Variants in SCUBE2 observed in about 807,000 individuals in gnomAD.
SCUBE2 encodes signal peptide, CUB and EGF-like domain-containing protein 2.
In SCUBE2, 114 loss-of-function variants were observed where a neutral mutation model predicts 125.9. The ratio of observed to expected loss-of-function variants is 0.91; its 90% CI spans 0.78 to 1.06. The LOEUF is 1.06. SCUBE2 is among the 50% of genes least tolerant of loss of function. The pLI is 0.00. For synonymous variants in SCUBE2, 459 were observed against 492.9 expected, an observed-to-expected ratio of 0.93 and a Z score of 0.91; for missense variants, 1,255 against 1,301.8, an observed-to-expected ratio of 0.96 and a Z score of 0.55.
chr11:9,062,739 G>A (rs897747208), intron 7 of SCUBE2, among the ~76,000 whole-genome samples: 7 of 149,646 alleles, frequency 4.7e-5, no homozygotes, highest in Admixed American at 1.3e-4. Flanking sequence ...ACATGAAAAC[G>A]AAAACTTTAT....
At chr11:9,044,048 T>C (rs898218130) in intron 16 of SCUBE2, among the ~76,000 whole-genome samples, 2 of 152,334 alleles carry the variant, frequency 1.3e-5, no homozygotes, top group East Asian at 1.9e-4. Context: ...ATGATATTCA[T>C]TGAGCACTAT....
chr11:9,033,851 G>C, intron 16 of SCUBE2, 55 bp from the exon 17 acceptor site: 1 of 1,580,882 alleles, frequency 6.3e-7, no homozygotes, highest in East Asian at 2.2e-5. Flanking sequence ...AAGGAAGGAT[G>C]ATGTGAGTTC....
chr11:9,056,004 A>C (rs533293858), intron 9 of SCUBE2, 95 bp from the exon 10 acceptor site: 1 of 881,526 alleles, frequency 1.1e-6, no homozygotes, highest in South Asian at 1.4e-5. Context: ...ACCAACACCA[A>C]AAACAATACA....
rs1590131270 is a variant in SCUBE2 at position 9,072,086 on chromosome 11, A to G, written c.517+2395T>C. 2.0e-5 allele frequency among the ~76,000 whole-genome samples: 3 copies of G among 152,342 alleles called. No homozygotes were observed. In the South Asian group the frequency reaches 6.2e-4, roughly 32 times the overall value. On this transcript the variant is annotated intron_variant, in intron 4 of 22. Coordinates refer to ENST00000649792, the MANE Select transcript of SCUBE2 (RefSeq NM_001367977.2). Reference sequence around the variant, plus strand: ...GTCAATGATTATGATGCCCTATATTAAAGAACATTTGGTAAATAATTATTA... The same window carrying G: ...GTCAATGATTATGATGCCCTATATTGAAGAACATTTGGTAAATAATTATTA...
intron 2 of SCUBE2, among the ~76,000 whole-genome samples, chr11:9,081,662 AAAC>A (rs1861650549): frequency 1.6e-4 from 2 of 12,466 alleles, no homozygotes; most frequent in South Asian, 0.05. Flanking sequence ...TCAAAAAAAC[AAAC>A]AAACAAACAA....
At chr11:9,054,942 T>C (rs1858932653) in intron 10 of SCUBE2, among the ~76,000 whole-genome samples, 1 of 151,014 alleles carries the variant, frequency 6.6e-6, no homozygotes, top group Non-Finnish European at 1.5e-5. Flanking sequence ...CCATGTTGGT[T>C]AGGCTGGTCT....
At chr11:9,078,396 T>C (rs1337191263) in intron 3 of SCUBE2, among the ~76,000 whole-genome samples, 1 of 152,140 alleles carries the variant, frequency 6.6e-6, no homozygotes, top group Non-Finnish European at 1.5e-5. Flanking sequence ...TGAAGTGGGA[T>C]AAAGGTCATA....
chr11:9,068,456 A>C (rs1402722269), intron 5 of SCUBE2, among the ~76,000 whole-genome samples: 1 of 152,180 alleles, frequency 6.6e-6, no homozygotes, highest in African/African-American at 2.4e-5. Context: ...GACTGAGAGG[A>C]AAAATGAGGC....
Position 9,079,494 on chromosome 11 carries a change from C to T in SCUBE2, c.272G>A (p.Gly91Glu), listed in dbSNP as rs1326587550. ...GACACAGCCTCCATTGAGCTCATTT[C>T]CACATTCATCGATGTCTGAGGAATA... ...GRQCEDIDEC[G>E]NELNGGCVHD... is the part of the protein sequence containing the mutation. Residue 91 changes from glycine to glutamate, a missense_variant, in exon 3 of 23, where the codon GGA becomes GAA. By Grantham distance (98) the Gly-to-Glu change is moderately conservative. Transcript: ENST00000649792. The T allele has an allele frequency of 1.2e-6, 2 of 1,613,648 alleles. No individual in the cohort carries two copies. The highest frequency in any genetic ancestry group is 1.7e-6 in the Non-Finnish European group (2 of 1,179,800).
intron 4 of SCUBE2, among the ~76,000 whole-genome samples, chr11:9,070,211 T>C (rs769859054): frequency 9.8e-5 from 15 of 152,300 alleles, no homozygotes; most frequent in South Asian, 2.1e-4. Flanking sequence ...GTAGCTGCTG[T>C]ACAATTCTTT....
intron 2 of SCUBE2, 89 bp downstream of exon 2, chr11:9,089,618 G>T: frequency 6.9e-7 from 1 of 1,445,242 alleles, no homozygotes; most frequent in Non-Finnish European, 9.5e-7. Flanking sequence ...AGGAGGGGCA[G>T]TACTTTTACC....
At chr11:9,028,192 G>T (rs1027306510) in intron 19 of SCUBE2, among the ~76,000 whole-genome samples, 2 of 146,006 alleles carry the variant, frequency 1.4e-5, no homozygotes, top group African/African-American at 5.1e-5. Flanking sequence ...GTGCCATCAG[G>T]CCTGGCTAAT....
In SCUBE2 at chr11:9,029,922, G is replaced by T. The variant is rs1221570061; in HGVS notation, c.2465C>A (p.Thr822Asn). The change falls in exon 19 of 23, where the codon ACT (threonine) becomes AAT (asparagine). Residue 822 changes from threonine (T) to asparagine (N), a missense_variant. Around this residue, in one of 3 missense-constraint regions of SCUBE2, gnomAD observed 515 missense variants for 515.7 expected, o/e 1.00. Transcript: ENST00000649792. ...TATGTTTGTGGAGCCATCAAAGTCA[G>T]TCGTAGTATTTCCTGGGCAAGAAAC... ...NCVSCPGNTTTDFDGSTNITQ... is the reference protein window; with the variant it reads ...NCVSCPGNTTNDFDGSTNITQ... 2 of 1,614,194 alleles carry T rather than the reference G, an allele frequency of 1.2e-6. No individual in the cohort carries two copies. Among genetic ancestry groups the T allele is most frequent in the East Asian group, 2.2e-5 (1 of 44,882 alleles).
chr11:9,031,095 TG>T lies in SCUBE2; in HGVS notation c.2174-171del. 3 of 605,508 alleles carry T rather than the reference TG, an allele frequency of 5.0e-6. No homozygotes were observed. The South Asian group carries it at 6.2e-5, about 13-fold the overall frequency. The allele number at this position is 605,508 out of a possible 1,614,324, so 37.5% of individuals were successfully genotyped here. A position where few individuals can be genotyped will look rare whatever the true frequency, so the allele number is the denominator to read the frequency against. On this transcript the variant is annotated intron_variant, in intron 17 of 22. Transcript: ENST00000649792. The stretch of plus-strand genomic sequence containing the variant: ...TGTGGTGCTTCTGACCCTGAGTCAA[TG>T]GCACATGAGTGCCTGCTGTTTACAC...
In SCUBE2 at chr11:9,053,107, A is replaced by C. The variant is rs1055710522; in HGVS notation, c.1439T>G (p.Leu480Arg). 1 of 1,613,782 alleles carries C rather than the reference A, an allele frequency of 6.2e-7. No individual in the cohort carries two copies. The change falls in exon 12 of 23, where the codon CTC becomes CGC. Residue 480 changes from leucine (L) to arginine (R), a missense_variant. Around this residue, in one of 3 missense-constraint regions of SCUBE2, gnomAD observed 378 missense variants for 463.1 expected, o/e 0.82. Transcript: ENST00000649792. ...AACTGGGCCCCACTCACCTGAAGAG[A>C]GGTGAATGCCAGAGTGACATCTGAG... The part of the protein sequence containing the change: ...CFLRCHSGIH[L>R]SSGLQGAYSV...
At chr11:9,069,531 G>A in intron 4 of SCUBE2, 36 bp from the exon 5 acceptor site, 1 of 1,613,112 alleles carries the variant, frequency 6.2e-7, no homozygotes. Flanking sequence ...TGACTAGGCT[G>A]TGGTCAGAAT....
In SCUBE2 at chr11:9,055,726, G is replaced by A. The variant is rs1315296457; in HGVS notation, c.1207+67C>T. ...CAATGTAGGAAAGCAAACCTCAGGG[G>A]TAGGCCCTGCTCCCCTCCAGGCCCA... On this transcript the variant is annotated intron_variant, in intron 10 of 22. Coordinates refer to ENST00000649792, the MANE Select transcript of SCUBE2 (RefSeq NM_001367977.2). 3.2e-6 allele frequency: 4 copies of A among 1,240,370 alleles called. No homozygotes were observed. The African/African-American group carries it at 4.4e-5, about 14-fold the overall frequency. The allele number at this position is 1,240,370 out of a possible 1,614,324, so 76.8% of individuals were successfully genotyped here. A position where few individuals can be genotyped will look rare whatever the true frequency, so the allele number is the denominator to read the frequency against.
At chr11:9,047,299 T>C in intron 16 of SCUBE2, 57 bp downstream of exon 16, 1 of 1,580,576 alleles carries the variant, frequency 6.3e-7, no homozygotes, top group Non-Finnish European at 8.7e-7. Context: ...TCGGTTACCC[T>C]GAGTGTTTAT....
At chr11:9,088,320 T>C (rs375742809) in intron 2 of SCUBE2, among the ~76,000 whole-genome samples, 2 of 152,230 alleles carry the variant, frequency 1.3e-5, no homozygotes, top group East Asian at 1.9e-4. Flanking sequence ...AAACCCCGTC[T>C]GTCCTAAAAA....
Sources: allele counts gnomAD v4.1 joint callset (sites outside exome capture counted in the v4.1 genomes callset), GRCh38; gene constraint gnomAD v4.1.1; regional missense constraint gnomAD v4.1.1; transcripts MANE v1.5; gene names NCBI Gene and HGNC (gene_info 2026-07-23, HGNC 2026-07-21).